The following GRK3 variants were observed in gnomAD, a reference collection of about 807,000 sequenced individuals.
GRK3 encodes the protein adrenergic, beta, receptor kinase 2.
Under a neutral mutation model 95.7 loss-of-function variants are expected in GRK3, and 54 were observed. The observed-to-expected ratio is 0.56, with a 90% CI of 0.45 to 0.71. The LOEUF (loss-of-function observed/expected upper bound fraction) is 0.71, where lower values mean the gene tolerates loss of function less well. GRK3 is among the 30% of genes least tolerant of loss of function. GRK3 has a pLI of 0.00. For missense variants in GRK3, 649 were observed against 851.2 expected (o/e 0.76, Z 2.96); for synonymous variants, 281 against 290.8 (o/e 0.97, Z 0.34).
At chr22:25,647,935 A>G in intron 3 of GRK3, 1 of 509,898 alleles carries the variant, frequency 2.0e-6, no homozygotes, top group Non-Finnish European at 3.6e-6. Flanking sequence ...ACATGGTGAA[A>G]CCCCATCTCT....
intron 2 of GRK3, among the ~76,000 whole-genome samples, chr22:25,619,113 G>A (rs2084561424): frequency 1.3e-5 from 2 of 152,122 alleles, no homozygotes; most frequent in Non-Finnish European, 2.9e-5. Flanking sequence ...GAGACTCCCT[G>A]TAAAATCCTA....
At chr22:25,697,092 T>C (rs914855759) in intron 13 of GRK3, among the ~76,000 whole-genome samples, 5 of 152,208 alleles carry the variant, frequency 3.3e-5, no homozygotes, top group African/African-American at 1.2e-4. Flanking sequence ...TTGGAGATGA[T>C]AAAAAGAAAA....
Position 25,728,853 on chromosome 22 carries a change from CTG to C in GRK3, c.*6406_*6407del, listed in dbSNP as rs1475421942. 11 of 152,186 alleles carry C rather than the reference CTG, an allele frequency of 7.2e-5. No individual in the cohort carries two copies. Among genetic ancestry groups the C allele is most frequent in the African/African-American group, 2.2e-4 (9 of 41,446 alleles). 9.4% of individuals were successfully genotyped at this position (152,186 alleles called of 1,614,324 possible). ...TGTGAAATAGAATGAAGTCCTGTCTCTGTGAGAGAACGTGCCTCCTCACTCAT... is the reference window on the plus strand; with the variant it reads ...TGTGAAATAGAATGAAGTCCTGTCTCTGAGAGAACGTGCCTCCTCACTCAT... On this transcript the variant is annotated 3_prime_UTR_variant, in exon 21 of 21. Transcript: ENST00000324198.
At chr22:25,667,007 T>C (rs6004734) in intron 5 of GRK3, among the ~76,000 whole-genome samples, 16,211 of 152,154 alleles carry the variant, frequency 0.11, 2,779 homozygotes, top group African/African-American at 0.36. Context: ...ATGGTAGTTG[T>C]TCTCCATGAG....
chr22:25,648,207 G>A, intron 3 of GRK3: 1 of 754,440 alleles, frequency 1.3e-6, no homozygotes, highest in Non-Finnish European at 2.4e-6. Flanking sequence ...TCGTGATTGG[G>A]ATGAGGTAAG....
At chr22:25,688,025 A>G (rs555875352) in intron 11 of GRK3, among the ~76,000 whole-genome samples, 7 of 152,286 alleles carry the variant, frequency 4.6e-5, no homozygotes, top group Non-Finnish European at 4.4e-5. Context: ...TCACAAGGTC[A>G]GGAGATCAAG....
chr22:25,728,136 G>T lies in GRK3; in HGVS notation c.*5686G>T, dbSNP rs1191229315. 6.6e-6 allele frequency: 1 copy of T among 152,132 alleles called. No homozygotes were observed. The highest frequency in any genetic ancestry group is 1.5e-5 in the Non-Finnish European group (1 of 68,030). The allele number at this position is 152,132 out of a possible 1,614,324, so 9.4% of individuals were successfully genotyped here. On this transcript the variant is annotated 3_prime_UTR_variant, in exon 21 of 21. Coordinates refer to ENST00000324198, the MANE Select transcript of GRK3 (RefSeq NM_005160.4). ...ATTTAAAGAAATGGCAGTCCTTCCT[G>T]TTCTTAATACAATAAAATTGAAATA...
At chr22:25,663,573 A>C (rs1222034015) in intron 4 of GRK3, 57 bp from the exon 5 acceptor site, 1 of 1,134,464 alleles carries the variant, frequency 8.8e-7, no homozygotes, top group Admixed American at 1.9e-5. Context: ...ATATTATATA[A>C]CATACACAGA....
chr22:25,606,861 G>A (rs1262812659), intron 2 of GRK3, among the ~76,000 whole-genome samples: 18 of 152,184 alleles, frequency 1.2e-4, no homozygotes. Flanking sequence ...TGAAGTGGTT[G>A]TTATTTCATT....
At chr22:25,675,744 G>C (rs550540058) in intron 8 of GRK3, among the ~76,000 whole-genome samples, 14 of 152,320 alleles carry the variant, frequency 9.2e-5, no homozygotes, top group African/African-American at 3.4e-4. Context: ...AGTCCTTTCC[G>C]TTCTCAGACA....
intron 7 of GRK3, among the ~76,000 whole-genome samples, chr22:25,673,224 G>T (rs1472998024): frequency 1.3e-5 from 2 of 151,882 alleles, no homozygotes; most frequent in African/African-American, 4.8e-5. Flanking sequence ...ACCATGCCCG[G>T]CTAATTTTTT....
Position 25,695,108 on chromosome 22 carries a change from G to A in GRK3, c.1054G>A (p.Gly352Ser). 6.2e-7 allele frequency: 1 copy of A among 1,612,322 alleles called. No individual in the cohort carries two copies. The highest frequency in any genetic ancestry group is 8.5e-7 in the Non-Finnish European group (1 of 1,178,628). The change falls in exon 13 of 21, where the codon GGC (glycine) becomes AGC (serine). Residue 352 changes from glycine (G) to serine (S), a missense_variant and splice_region_variant. Gly to Ser is a moderately conservative substitution (Grantham distance 56). Coordinates refer to ENST00000324198, the MANE Select transcript of GRK3 (RefSeq NM_005160.4). ...FSKKKPHASV[G>S]THGYMAPEVL... is the part of the protein sequence containing the mutation. The stretch of plus-strand genomic sequence containing the variant: ...CTGTGTATACTTTCTTCTCCCTAGT[G>A]GCACCCATGGGTACATGGCTCCCGA...
chr22:25,574,476 A>C (rs1448654086), intron 1 of GRK3, among the ~76,000 whole-genome samples: 2 of 152,204 alleles, frequency 1.3e-5, no homozygotes, highest in Non-Finnish European at 2.9e-5. Context: ...TGACAGAGTG[A>C]GGTCTCGTCT....
chr22:25,610,618 C>T (rs1354326197), intron 2 of GRK3, among the ~76,000 whole-genome samples: 1 of 152,192 alleles, frequency 6.6e-6, no homozygotes, highest in African/African-American at 2.4e-5. Context: ...TCCCTCCTGC[C>T]CATTTGTCGT....
At chr22:25,634,016 G>A (rs2084682430) in intron 2 of GRK3, among the ~76,000 whole-genome samples, 1 of 151,910 alleles carries the variant, frequency 6.6e-6, no homozygotes, top group Non-Finnish European at 1.5e-5. Flanking sequence ...GCTTGCTTTT[G>A]TCCATTTCAT....
intron 13 of GRK3, among the ~76,000 whole-genome samples, chr22:25,698,855 G>T (rs181902008): frequency 6.6e-6 from 1 of 152,246 alleles, no homozygotes; most frequent in East Asian, 1.9e-4. Context: ...ATGACATGGC[G>T]GCATTGCAGA....
At chr22:25,683,628 C>T (rs985305299) in intron 9 of GRK3, among the ~76,000 whole-genome samples, 2 of 152,256 alleles carry the variant, frequency 1.3e-5, no homozygotes, top group African/African-American at 2.4e-5. Flanking sequence ...TTGGAGACAT[C>T]GAGGTTGAGC....
At chr22:25,718,711 G>C (rs998226637) in intron 19 of GRK3, among the ~76,000 whole-genome samples, 3 of 152,302 alleles carry the variant, frequency 2.0e-5, no homozygotes, top group Middle Eastern at 6.8e-3. Context: ...GAGGTGTTCA[G>C]CTCCACTGCT....
At chr22:25,699,113 G>A (rs2085235167) in intron 13 of GRK3, among the ~76,000 whole-genome samples, 2 of 152,176 alleles carry the variant, frequency 1.3e-5, no homozygotes, top group Admixed American at 6.5e-5. Context: ...GTGGGACTGT[G>A]TGCAGGAGCC....
Sources: allele counts gnomAD v4.1 joint callset (sites outside exome capture counted in the v4.1 genomes callset), GRCh38; gene constraint gnomAD v4.1.1; transcripts MANE v1.5; gene names NCBI Gene and HGNC (gene_info 2026-07-23, HGNC 2026-07-21).